Variants in MTO1 observed in about 807,000 individuals in gnomAD.
MTO1 encodes 5-taurinomethyluridine-[tRNA] synthase subunit MTO1, mitochondrial.
Under a neutral mutation model 71.6 loss-of-function variants are expected in MTO1, and 46 were observed. The ratio of observed to expected loss-of-function variants is 0.64; its 90% CI spans 0.51 to 0.82. The LOEUF (loss-of-function observed/expected upper bound fraction) is 0.82. MTO1 is among the 40% of genes least tolerant of loss of function. MTO1 has a pLI of 0.00. For synonymous variants in MTO1, 297 were observed against 312.1 expected (o/e 0.95, Z 0.51); for missense variants, 773 against 867.5 (o/e 0.89, Z 1.37).
At chr6:73,490,082 GTCT>G (rs1771763539) in intron 9 of MTO1, among the ~76,000 whole-genome samples, 1 of 152,150 alleles carries the variant, frequency 6.6e-6, no homozygotes, top group Non-Finnish European at 1.5e-5. Context: ...CTGCGTAAAT[GTCT>G]TCTTTTGAGA....
chr6:73,490,922 AG>A (rs1251111516), intron 9 of MTO1, among the ~76,000 whole-genome samples: 1 of 152,160 alleles, frequency 6.6e-6, no homozygotes, highest in Non-Finnish European at 1.5e-5. Context: ...AAGGGATTAA[AG>A]TGGTCATAGG....
Position 73,475,020 on chromosome 6 carries a change from G to A in MTO1, c.825+1366G>A, listed in dbSNP as rs1316929128. ...TCCACCCTCCTCAGCCTCCCAAAGT[G>A]CTAGCATTACAGGCGTGAGCCACCG... On this transcript the variant is annotated intron_variant, in intron 4 of 11. Coordinates refer to ENST00000498286, the MANE Select transcript of MTO1 (RefSeq NM_012123.4). Among the ~76,000 whole-genome samples, 4 of 152,244 alleles carry A rather than the reference G, an allele frequency of 2.6e-5. No individual in the cohort carries two copies. In the East Asian group the frequency reaches 7.7e-4, roughly 29 times the overall value.
At chr6:73,497,698 T>G (rs201684454) in intron 10 of MTO1, 38 bp from the exon 11 acceptor site, 3 of 1,583,852 alleles carry the variant, frequency 1.9e-6, no homozygotes, top group Middle Eastern at 1.7e-4. Context: ...TATAATATAA[T>G]CTGGGTATTA....
chr6:73,492,293 C>T lies in MTO1; in HGVS notation c.1697C>T (p.Pro566Leu). 1 of 1,613,810 alleles carries T rather than the reference C, an allele frequency of 6.2e-7. No individual in the cohort carries two copies. Among genetic ancestry groups the T allele is most frequent in the Middle Eastern group, 1.7e-4 (1 of 6,060 alleles). ...ATGGATTCATTAGCCAAGGCTGTTC[C>T]AGAGCCCTTGAAGAAGTATACTAAA... ...VDMDSLAKAV[P>L]EPLKKYTKCR... is the part of the protein sequence containing the mutation. Residue 566 changes from proline (P) to leucine (L), a missense_variant, in exon 10 of 12, where the codon CCA becomes CTA. By Grantham distance (98) the Pro-to-Leu change is moderately conservative (BLOSUM62 -3). Coordinates refer to ENST00000498286, the MANE Select transcript of MTO1 (RefSeq NM_012123.4).
At chr6:73,475,616 G>A (rs1771291429) in intron 4 of MTO1, among the ~76,000 whole-genome samples, 1 of 151,830 alleles carries the variant, frequency 6.6e-6, no homozygotes, top group South Asian at 2.1e-4. Context: ...ACGGGTTCGA[G>A]CAATTCTCCC....
intron 6 of MTO1, chr6:73,480,329 A>G (rs921825020): frequency 1.4e-6 from 1 of 716,536 alleles, no homozygotes. Context: ...ATGGAGTGCA[A>G]TGGTGCGATC....
intron 1 of MTO1, among the ~76,000 whole-genome samples, chr6:73,464,659 T>C (rs1307234504): frequency 8.8e-6 from 1 of 113,864 alleles, no homozygotes; most frequent in Non-Finnish European, 1.9e-5. Context: ...CAATAAATAC[T>C]AAAAAAAAAA....
chr6:73,477,914 C>T (rs2150034438), intron 4 of MTO1, among the ~76,000 whole-genome samples: 1 of 152,132 alleles, frequency 6.6e-6, no homozygotes, highest in Non-Finnish European at 1.5e-5. Flanking sequence ...ATGGTGCCGA[C>T]ATTTTTGAAG....
rs1398439187 is a variant in MTO1 at position 73,505,015 on chromosome 6, C to G, written c.*4280C>G. On this transcript the variant is annotated 3_prime_UTR_variant, in exon 12 of 12. Transcript: ENST00000498286. The stretch of plus-strand genomic sequence containing the variant: ...CCTGACCAACATGTTGAAACCCCAT[C>G]TCTTATTAAAATACAAAAATTAGCT... The G allele has an allele frequency of 2.6e-5, 4 of 152,142 alleles. No individual in the cohort carries two copies. The highest frequency in any genetic ancestry group is 5.9e-5 in the Non-Finnish European group (4 of 68,068). 9.4% of individuals were successfully genotyped at this position (152,142 alleles called of 1,614,324 possible). A position where few individuals can be genotyped will look rare whatever the true frequency, so the allele number is the denominator to read the frequency against.
In MTO1 at chr6:73,468,398, C is replaced by CAT. The variant is rs1397755289; in HGVS notation, c.535+1793_535+1794dup. ...CGTCTGAAAATGCTGGGATTACAGG[C>CAT]ATGAGCACTGTGCCCAGCCTATTAA... On this transcript the variant is annotated intron_variant, in intron 3 of 11. Transcript: ENST00000498286. 1.3e-4 allele frequency among the ~76,000 whole-genome samples: 20 copies of CAT among 152,134 alleles called. No homozygotes were observed. In the South Asian group the frequency reaches 1.7e-3, roughly 13 times the overall value.
chr6:73,474,752 CT>C (rs201584579), intron 4 of MTO1, among the ~76,000 whole-genome samples: 18,684 of 146,012 alleles, frequency 0.13, 1,444 homozygotes, highest in East Asian at 0.21. Context: ...CTGCACCCGA[CT>C]TTTTTTTTTT....
chr6:73,496,926 G>A (rs1159936576), intron 10 of MTO1, among the ~76,000 whole-genome samples: 6 of 151,400 alleles, frequency 4.0e-5, no homozygotes, highest in East Asian at 2.0e-4. Flanking sequence ...GGTGGCTTGC[G>A]TCTATAATCC....
chr6:73,473,347 T>C lies in MTO1; in HGVS notation c.536-18T>C. 6.3e-7 allele frequency: 1 copy of C among 1,589,618 alleles called. No homozygotes were observed. The highest frequency in any genetic ancestry group is 1.1e-5 in the South Asian group (1 of 88,040). On this transcript the variant is annotated intron_variant, in intron 3 of 11. Transcript: ENST00000498286. ...AGATACATAGATAATGACTTTATTC[T>C]TTTTTCTTGTTATTTAGTGGATGGA... is the stretch of plus-strand genomic sequence containing the variant.
intron 9 of MTO1, among the ~76,000 whole-genome samples, chr6:73,486,227 T>TC (rs879486303): frequency 6.6e-6 from 1 of 151,822 alleles, no homozygotes; most frequent in Non-Finnish European, 1.5e-5. Context: ...ACAGACATAA[T>TC]CCCCCCAAAA....
intron 4 of MTO1, among the ~76,000 whole-genome samples, chr6:73,477,443 A>T (rs376562924): frequency 6.7e-6 from 1 of 150,154 alleles, no homozygotes; most frequent in South Asian, 2.1e-4. Flanking sequence ...ACACTGATAC[A>T]GTGCTATTAT....
At chr6:73,488,272 CA>C (rs1314933174) in intron 9 of MTO1, among the ~76,000 whole-genome samples, 1 of 152,098 alleles carries the variant, frequency 6.6e-6, no homozygotes, top group Non-Finnish European at 1.5e-5. Context: ...CTCCATGACT[CA>C]GGTGATCCTC....
At position 73,479,839 on chromosome 6, in the gene MTO1, AC is replaced by A. The variant is rs1208688567; in HGVS notation, c.935del (p.Pro312LeufsTer40). ...NSHVKETTRGPRYCPSIESKV... is the reference protein window; with the variant it reads ...NSHVKETTRGXRYCPSIESKV... ...GTCATGTTAAAGAAACGACAAGAGGACCTCGGTAAGGACAAAATGTCAGTGC... is the reference window on the plus strand; with the variant it reads ...GTCATGTTAAAGAAACGACAAGAGGACTCGGTAAGGACAAAATGTCAGTGC... On this transcript the variant is annotated frameshift_variant, in exon 5 of 12. Transcript: ENST00000498286. LOFTEE classifies it high-confidence loss of function. 1.2e-6 allele frequency: 2 copies of A among 1,611,452 alleles called. No individual in the cohort carries two copies. Among genetic ancestry groups the A allele is most frequent in the African/African-American group, 2.7e-5 (2 of 74,850 alleles).
intron 9 of MTO1, among the ~76,000 whole-genome samples, chr6:73,484,038 C>T (rs919242779): frequency 2.6e-5 from 4 of 152,096 alleles, no homozygotes; most frequent in African/African-American, 9.7e-5. Flanking sequence ...CTTGGCCTCT[C>T]AAAGTGCTGG....
intron 11 of MTO1, 149 bp from the exon 12 acceptor site, chr6:73,500,425 T>G (rs1029925274): frequency 1.7e-6 from 1 of 592,170 alleles, no homozygotes; most frequent in Non-Finnish European, 2.6e-6. Context: ...TTATCTACTT[T>G]ACAAGGAAAT....
Sources: gnomAD v4.1 joint callset for allele counts (sites outside exome capture counted in the v4.1 genomes callset) on GRCh38, gnomAD v4.1.1 for gene constraint, MANE v1.5 for transcripts, NCBI Gene and HGNC (gene_info 2026-07-23, HGNC 2026-07-21) for gene names.